Variants in SPEN observed in about 807,000 individuals in gnomAD.
SPEN encodes spen family transcriptional repressor.
Under a neutral mutation model 269.9 loss-of-function variants are expected in SPEN, and 18 were observed. That is an observed-to-expected ratio of 0.07 (90% confidence interval 0.05 to 0.10). SPEN has a LOEUF of 0.10. SPEN is among the 10% of genes least tolerant of loss of function. The pLI is 1.00. For missense variants in SPEN, 3,822 were observed against 4,631.2 expected, an observed-to-expected ratio of 0.83 and a Z score of 5.07; for synonymous variants, 1,726 against 1,765.7, an observed-to-expected ratio of 0.98 and a Z score of 0.56.
At chr1:15,912,890 A>G (rs544569779) in intron 5 of SPEN, among the ~76,000 whole-genome samples, 1 of 152,344 alleles carries the variant, frequency 6.6e-6, no homozygotes, top group South Asian at 2.1e-4. Flanking sequence ...TGTAACTTTT[A>G]TCTCTAGATG....
intron 4 of SPEN, among the ~76,000 whole-genome samples, chr1:15,910,450 A>G (rs767196529): frequency 2.6e-5 from 4 of 152,122 alleles, no homozygotes; most frequent in Admixed American, 6.6e-5. Context: ...ATGCCTTTCC[A>G]TTTCAAGTCT....
At chr1:15,915,417 A>G (rs920177579) in intron 5 of SPEN, among the ~76,000 whole-genome samples, 1 of 152,064 alleles carries the variant, frequency 6.6e-6, no homozygotes, top group African/African-American at 2.4e-5. Flanking sequence ...TGAGCCTGGG[A>G]GGTTGAGGCT....
intron 1 of SPEN, among the ~76,000 whole-genome samples, chr1:15,872,565 A>G (rs1383559916): frequency 6.7e-6 from 1 of 150,222 alleles, no homozygotes; most frequent in East Asian, 2.0e-4. Flanking sequence ...GTGCCACTGC[A>G]CTCCAGCCTG....
chr1:15,896,816 G>A (rs2070846015), intron 3 of SPEN, among the ~76,000 whole-genome samples: 1 of 152,122 alleles, frequency 6.6e-6, no homozygotes, highest in Non-Finnish European at 1.5e-5. Context: ...GTAATTTTAA[G>A]TGTTAGCCTG....
chr1:15,932,528 G>C lies in SPEN; in HGVS notation c.6288G>C (p.Val2096=). 6.3e-7 allele frequency: 1 copy of C among 1,599,916 alleles called. No individual in the cohort carries two copies. The highest frequency in any genetic ancestry group is 1.3e-5 in the African/African-American group (1 of 74,292). The change falls in exon 11 of 15, where the codon GTG becomes GTC. Residue 2096 remains valine (V), a synonymous_variant. Transcript: ENST00000375759. The surrounding 1 kb of genome is among the most constrained non-coding windows in gnomAD (Gnocchi z 4.2). The part of the protein sequence containing the change: ...AVDKSASLKN[V]DAAVSPRGAA... ...ACAAATCTGCAAGTCTGAAAAATGT[G>C]GATGCTGCTGTCAGTCCCAGGGGGG...
chr1:15,897,725 C>G (rs1012453245), intron 3 of SPEN, among the ~76,000 whole-genome samples: 1 of 152,126 alleles, frequency 6.6e-6, no homozygotes, highest in Non-Finnish European at 1.5e-5. Flanking sequence ...TCTCAAACTC[C>G]TGACCTTAGG....
chr1:15,935,702 C>A lies in SPEN; in HGVS notation c.9462C>A (p.His3154Gln). The A allele has an allele frequency of 1.2e-6, 2 of 1,613,546 alleles. No individual in the cohort carries two copies. Among genetic ancestry groups the A allele is most frequent in the South Asian group, 1.1e-5 (1 of 91,046 alleles). The change falls in exon 11 of 15, where the codon CAC becomes CAA. Residue 3154 changes from histidine (H) to glutamine (Q), a missense_variant. His to Gln is a conservative substitution (Grantham distance 24, BLOSUM62 0). Around this residue, in one of 16 missense-constraint regions of SPEN, gnomAD observed 153 missense variants for 228.5 expected, o/e 0.67. Transcript: ENST00000375759. This position sits in a 1 kb window ranked among gnomAD's most constrained non-coding sequence, Gnocchi z 7.7. ...GTGTGCCTGCACTGGCCTCCCAGCA[C>A]CCTCCCGAGGAGGAAGTGCATTATC... ...PAGVPALASQ[H>Q]PPEEEVHYHL...
chr1:15,933,417 A>T lies in SPEN; in HGVS notation c.7177A>T (p.Thr2393Ser). The change falls in exon 11 of 15, where the codon ACT becomes TCT. Residue 2393 changes from threonine to serine, a missense_variant. This residue lies in a region of SPEN where 727 missense variants were observed against 737.9 expected (regional missense o/e 0.99). Coordinates refer to ENST00000375759, the MANE Select transcript of SPEN (RefSeq NM_015001.3). This position sits in a 1 kb window ranked among gnomAD's most constrained non-coding sequence, Gnocchi z 5.7. ...AAAGCAGAGTGAGAAACCCCATTCCACTCCTCCTCAGTCATGTACTTCTGA... is the reference window on the plus strand; with the variant it reads ...AAAGCAGAGTGAGAAACCCCATTCCTCTCCTCCTCAGTCATGTACTTCTGA... ...EEKQSEKPHS[T>S]PPQSCTSDLS... The T allele has an allele frequency of 6.2e-7, 1 of 1,613,192 alleles. No homozygotes were observed. The highest frequency in any genetic ancestry group is 1.6e-4 in the Middle Eastern group (1 of 6,062).
Position 15,931,992 on chromosome 1 carries a change from T to G in SPEN, c.5752T>G (p.Ser1918Ala), listed in dbSNP as rs1557760242. 2 of 1,614,054 alleles carry G rather than the reference T, an allele frequency of 1.2e-6. No homozygotes were observed. The highest frequency in any genetic ancestry group is 1.7e-6 in the Non-Finnish European group (2 of 1,180,016). Residue 1918 changes from serine to alanine, a missense_variant, in exon 11 of 15, where the codon TCT becomes GCT. By Grantham distance (99) the Ser-to-Ala change is moderately conservative. Coordinates refer to ENST00000375759, the MANE Select transcript of SPEN (RefSeq NM_015001.3). This position sits in a 1 kb window ranked among gnomAD's most constrained non-coding sequence, Gnocchi z 4.8. Reference sequence around the variant, plus strand: ...AACCATGGGTGACCATGAAAACCGCTCTCCTGTCAAAGAGCCCGTTGAGCA... The same window carrying G: ...AACCATGGGTGACCATGAAAACCGCGCTCCTGTCAAAGAGCCCGTTGAGCA... ...YATMGDHENR[S>A]PVKEPVEQPR...
intron 5 of SPEN, among the ~76,000 whole-genome samples, chr1:15,913,386 CT>C (rs926533828): frequency 2.3e-3 from 345 of 149,082 alleles, no homozygotes; most frequent in African/African-American, 8.0e-3. Context: ...ACGTGGAAAA[CT>C]TTTTTTTTTG....
intron 1 of SPEN, among the ~76,000 whole-genome samples, chr1:15,855,161 T>C (rs1304569658): frequency 6.6e-6 from 1 of 152,220 alleles, no homozygotes; most frequent in African/African-American, 2.4e-5. Context: ...TCTTATCCTG[T>C]GTACCTGGTG....
chr1:15,927,663 G>A (rs75350396), intron 10 of SPEN, among the ~76,000 whole-genome samples: 1,711 of 152,148 alleles, frequency 0.011, 33 homozygotes, highest in African/African-American at 0.038. Context: ...TCACAACGCC[G>A]GAGTTACCAG....
intron 3 of SPEN, among the ~76,000 whole-genome samples, 192 bp downstream of exon 3, chr1:15,876,870 G>C (rs1475150479): frequency 6.6e-6 from 1 of 152,190 alleles, no homozygotes; most frequent in Non-Finnish European, 1.5e-5. Context: ...GTGATGATTT[G>C]CAAAGTTCTG....
In SPEN at chr1:15,895,875, G is replaced by A. The variant is rs534819344; in HGVS notation, c.882-13446G>A. On this transcript the variant is annotated intron_variant, in intron 3 of 14. Transcript: ENST00000375759. ...TTTTTTATATTTTTATTAGAGTTGG[G>A]GTTTCTCCATGTTGGCCAGGCTAGT... Among the ~76,000 whole-genome samples the A allele has an allele frequency of 3.4e-4, 51 of 151,546 alleles. 1 individual carries two copies. In the Middle Eastern group the frequency reaches 0.01, roughly 30 times the overall value.
chr1:15,888,068 G>A (rs147846941), intron 3 of SPEN, among the ~76,000 whole-genome samples: 42 of 151,348 alleles, frequency 2.8e-4, no homozygotes, highest in South Asian at 1.0e-3. Context: ...AAGTAATTAC[G>A]CAGATTAAAG....
chr1:15,931,024 A>G lies in SPEN; in HGVS notation c.4784A>G (p.Gln1595Arg). ...TTTATGGAGCTCACACGGATGCAAC[A>G]GAAAGAAAAAGAAAAAGACCAGAAA... ...SRFMELTRMQQKEKEKDQKPK... is the reference protein window; with the variant it reads ...SRFMELTRMQRKEKEKDQKPK... Residue 1595 changes from glutamine (Q) to arginine (R), a missense_variant, in exon 11 of 15, where the codon CAG (glutamine) becomes CGG (arginine). This residue lies in a region of SPEN where 533 missense variants were observed against 618.8 expected (regional missense o/e 0.86). Coordinates refer to ENST00000375759, the MANE Select transcript of SPEN (RefSeq NM_015001.3). The surrounding 1 kb of genome is among the most constrained non-coding windows in gnomAD (Gnocchi z 4.8). 2 of 1,613,692 alleles carry G rather than the reference A, an allele frequency of 1.2e-6. No homozygotes were observed. The highest frequency in any genetic ancestry group is 1.7e-6 in the Non-Finnish European group (2 of 1,179,934).
intron 1 of SPEN, among the ~76,000 whole-genome samples, chr1:15,859,700 T>G (rs951319330): frequency 2.0e-5 from 3 of 151,974 alleles, no homozygotes; most frequent in African/African-American, 7.3e-5. Flanking sequence ...GCTTTGTGTC[T>G]CAAAGAGTTG....
At chr1:15,888,852 A>G (rs531460524) in intron 3 of SPEN, among the ~76,000 whole-genome samples, 2 of 150,432 alleles carry the variant, frequency 1.3e-5, no homozygotes, top group African/African-American at 4.9e-5. Flanking sequence ...CTGGTCTTGA[A>G]CTCCTGACCT....
At chr1:15,878,035 G>A (rs2070649781) in intron 3 of SPEN, among the ~76,000 whole-genome samples, 1 of 151,918 alleles carries the variant, frequency 6.6e-6, no homozygotes, top group African/African-American at 2.4e-5. Flanking sequence ...GTGAGCTACT[G>A]CGCCTGGCCA....
Sources: allele counts gnomAD v4.1 joint callset (sites outside exome capture counted in the v4.1 genomes callset), GRCh38; gene constraint gnomAD v4.1.1; regional missense constraint gnomAD v4.1.1; non-coding constraint Gnocchi (gnomAD v3.1); transcripts MANE v1.5; gene names NCBI Gene and HGNC (gene_info 2026-07-23, HGNC 2026-07-21).